ANKRD33B: variants seen among roughly 807,000 people sequenced by gnomAD.
ANKRD33B encodes ankyrin repeat domain-containing protein 33B.
In ANKRD33B, 6 loss-of-function variants were observed where a neutral mutation model predicts 21.5. That is an observed-to-expected ratio of 0.28 (90% confidence interval 0.15 to 0.55). The LOEUF is 0.55. Ranked by LOEUF, ANKRD33B falls within the 20% of genes least tolerant of loss-of-function variation. ANKRD33B has a pLI of 0.94. For synonymous variants in ANKRD33B, 347 were observed against 342.4 expected (o/e 1.01, Z -0.15); for missense variants, 698 against 747.2 (o/e 0.93, Z 0.77).
At position 10,652,905 on chromosome 5, in the gene ANKRD33B, T is replaced by C; in HGVS notation, c.*2792T>C. On this transcript the variant is annotated 3_prime_UTR_variant, in exon 4 of 4. Transcript: ENST00000296657. This position sits in a 1 kb window ranked among gnomAD's most constrained non-coding sequence, Gnocchi z 4.1. ...AACAAGCTTGGGGCAGGACACGGAT[T>C]TCTTTGGCAAATCTGCAGGCGAGCT... 4.7e-6 allele frequency: 1 copy of C among 214,236 alleles called. No individual in the cohort carries two copies. 13.3% of individuals were successfully genotyped at this position (214,236 alleles called of 1,614,324 possible).
intron 2 of ANKRD33B, among the ~76,000 whole-genome samples, chr5:10,624,463 C>G (rs1736498314): frequency 1.3e-5 from 2 of 151,860 alleles, no homozygotes; most frequent in Admixed American, 1.3e-4. Flanking sequence ...TTGTTATCTT[C>G]CCCTACTTAC....
chr5:10,580,782 C>T (rs1735428414), intron 1 of ANKRD33B, among the ~76,000 whole-genome samples: 1 of 152,024 alleles, frequency 6.6e-6, no homozygotes, highest in Non-Finnish European at 1.5e-5. Flanking sequence ...CCGGACTTGC[C>T]CCTGGACCAG....
rs994052832 is a variant in ANKRD33B at position 10,655,565 on chromosome 5, G to C, written c.*5452G>C. ...CACTACTCTTTCCCCAGGTGCGCCG[G>C]AGACGCAGGCTTGCTCATTTCCGTC... On this transcript the variant is annotated 3_prime_UTR_variant, in exon 4 of 4. Transcript: ENST00000296657. 1.3e-5 allele frequency: 2 copies of C among 152,432 alleles called. No homozygotes were observed. Among genetic ancestry groups the C allele is most frequent in the African/African-American group, 4.8e-5 (2 of 41,456 alleles). 9.4% of individuals were successfully genotyped at this position (152,432 alleles called of 1,614,324 possible). A position where few individuals can be genotyped will look rare whatever the true frequency, so the allele number is the denominator to read the frequency against.
chr5:10,649,430 G>A lies in ANKRD33B; in HGVS notation c.802G>A (p.Glu268Lys), dbSNP rs1165670193. The change falls in exon 4 of 4, where the codon GAA (glutamate) becomes AAA (lysine). Residue 268 changes from glutamate (E) to lysine (K), a missense_variant. By Grantham distance (56) the Glu-to-Lys change is moderately conservative (BLOSUM62 1). Transcript: ENST00000296657. ...KYRPELPPPPEAARKPAGSKN... is the reference protein window; with the variant it reads ...KYRPELPPPPKAARKPAGSKN... ...CCGGCCCGAGCTGCCGCCGCCCCCTGAAGCGGCGCGGAAGCCCGCGGGCTC... is the reference window on the plus strand; with the variant it reads ...CCGGCCCGAGCTGCCGCCGCCCCCTAAAGCGGCGCGGAAGCCCGCGGGCTC... 6.5e-7 allele frequency: 1 copy of A among 1,535,406 alleles called. No individual in the cohort carries two copies. Among genetic ancestry groups the A allele is most frequent in the South Asian group, 1.2e-5 (1 of 84,016 alleles).
Position 10,564,478 on chromosome 5 carries a change from T to A in ANKRD33B, c.11T>A (p.Leu4Gln). The change falls in exon 1 of 4, where the codon CTG becomes CAG. Residue 4 changes from leucine to glutamine, a missense_variant. By Grantham distance (113) the Leu-to-Gln change is moderately radical. This residue lies in a region of ANKRD33B where 148 missense variants were observed against 154.9 expected (regional missense o/e 0.96). Transcript: ENST00000296657. MVL[L>Q]AGTGPEGGGA... ...GCCCCGGCCGCCGGCATGGTGCTGC[T>A]GGCCGGGACCGGGCCGGAGGGCGGC... 1 of 1,420,098 alleles carries A rather than the reference T, an allele frequency of 7.0e-7. No homozygotes were observed. The allele number at this position is 1,420,098 out of a possible 1,614,324, so 88.0% of individuals were successfully genotyped here.
chr5:10,580,308 C>T (rs569749778), intron 1 of ANKRD33B, among the ~76,000 whole-genome samples: 3 of 152,246 alleles, frequency 2.0e-5, no homozygotes, highest in Non-Finnish European at 4.4e-5. Context: ...ACTGTCTGCT[C>T]ATTCATCTCT....
At chr5:10,574,446 AAATGGGAAACCAT>A (rs1735272461) in intron 1 of ANKRD33B, among the ~76,000 whole-genome samples, 1 of 152,244 alleles carries the variant, frequency 6.6e-6, no homozygotes, top group African/African-American at 2.4e-5. Flanking sequence ...CTCCTAGATA[AAATGGGAAACCAT>A]AATGTAAATT....
intron 2 of ANKRD33B, among the ~76,000 whole-genome samples, chr5:10,624,398 G>A (rs2126587824): frequency 6.6e-6 from 1 of 152,064 alleles, no homozygotes; most frequent in South Asian, 2.1e-4. Flanking sequence ...CCAAAGTGCT[G>A]GAATTACAGG....
chr5:10,610,403 C>T (rs1008660428), intron 1 of ANKRD33B, among the ~76,000 whole-genome samples: 12 of 143,140 alleles, frequency 8.4e-5, no homozygotes, highest in African/African-American at 2.8e-4. Context: ...AGGGGACAGC[C>T]CCCCCCCCGA....
chr5:10,570,001 T>C (rs1735142501), intron 1 of ANKRD33B, among the ~76,000 whole-genome samples: 1 of 152,290 alleles, frequency 6.6e-6, no homozygotes, highest in East Asian at 1.9e-4. Context: ...CTCAGCCTCC[T>C]GAGTAGCTGG....
rs200203509 is a variant in ANKRD33B at position 10,610,401 on chromosome 5, G to GCCCCCC, written c.367-7927_367-7922dup. ...CAGGGATTGCATAGTACAGGGGACA[G>GCCCCCC]CCCCCCCCCCGAATAAAGAATTATC... On this transcript the variant is annotated intron_variant, in intron 1 of 3. Coordinates refer to ENST00000296657, the MANE Select transcript of ANKRD33B (RefSeq NM_001164440.2). 6.8e-4 allele frequency among the ~76,000 whole-genome samples: 100 copies of GCCCCCC among 146,344 alleles called. 1 individual carries two copies. The highest frequency in any genetic ancestry group is 2.4e-3 in the African/African-American group (93 of 38,810).
intron 3 of ANKRD33B, among the ~76,000 whole-genome samples, chr5:10,639,058 C>T (rs1422054219): frequency 3.9e-5 from 2 of 51,310 alleles, no homozygotes; most frequent in Non-Finnish European, 8.2e-5. Flanking sequence ...CGGAGTTGCG[C>T]GGCGATGTTA....
rs1477072034 is a variant in ANKRD33B, at chr5:10,564,684, G to A, written c.217G>A (p.Glu73Lys). 1.3e-6 allele frequency: 2 copies of A among 1,534,496 alleles called. No homozygotes were observed. The highest frequency in any genetic ancestry group is 4.9e-5 in the East Asian group (2 of 40,880). The change falls in exon 1 of 4, where the codon GAG becomes AAG. Residue 73 changes from glutamate to lysine, a missense_variant. Around this residue, in one of 3 missense-constraint regions of ANKRD33B, gnomAD observed 148 missense variants for 154.9 expected, o/e 0.96. Transcript: ENST00000296657. The part of the protein sequence containing the change: ...DEEEHGVESA[E>K]SVPEGVPESV... ...GGAGGAGCACGGCGTCGAGAGCGCG[G>A]AGAGCGTCCCGGAGGGCGTCCCGGA...
chr5:10,604,190 C>CAT (rs1735990205), intron 1 of ANKRD33B, among the ~76,000 whole-genome samples: 1 of 99,362 alleles, frequency 1.0e-5, no homozygotes, highest in African/African-American at 3.9e-5. Context: ...CCGCGCCTGG[C>CAT]TTTTTTTTTT....
chr5:10,586,632 T>G (rs1293931514), intron 1 of ANKRD33B, among the ~76,000 whole-genome samples: 1 of 152,178 alleles, frequency 6.6e-6, no homozygotes, highest in Admixed American at 6.5e-5. Flanking sequence ...TGAATAAGTT[T>G]TGCTGTGTGG....
intron 3 of ANKRD33B, among the ~76,000 whole-genome samples, chr5:10,646,482 ATGTT>A (rs1379526956): frequency 6.6e-6 from 1 of 152,162 alleles, no homozygotes; most frequent in East Asian, 1.9e-4. Context: ...GTTCCTTAGA[ATGTT>A]TGTATTTTCT....
intron 1 of ANKRD33B, among the ~76,000 whole-genome samples, chr5:10,604,379 G>C (rs1735998239): frequency 6.6e-6 from 1 of 150,784 alleles, no homozygotes; most frequent in South Asian, 2.1e-4. Flanking sequence ...TTTTGGTAGA[G>C]ATGGGGTTTC....
intron 1 of ANKRD33B, among the ~76,000 whole-genome samples, chr5:10,586,182 C>T (rs1000746340): frequency 6.6e-6 from 1 of 151,702 alleles, no homozygotes; most frequent in African/African-American, 2.4e-5. Context: ...TTCCAGGACT[C>T]CCCCACCTAT....
chr5:10,596,055 A>T (rs947106998), intron 1 of ANKRD33B, among the ~76,000 whole-genome samples: 4 of 152,260 alleles, frequency 2.6e-5, no homozygotes, highest in African/African-American at 9.6e-5. Flanking sequence ...TAAGCCGAAC[A>T]GATTGTTCCA....
Sources: allele counts gnomAD v4.1 joint callset (sites outside exome capture counted in the v4.1 genomes callset), GRCh38; gene constraint gnomAD v4.1.1; regional missense constraint gnomAD v4.1.1; non-coding constraint Gnocchi (gnomAD v3.1); transcripts MANE v1.5; gene names NCBI Gene and HGNC (gene_info 2026-07-23, HGNC 2026-07-21).